NUP107: variants seen among roughly 807,000 people sequenced by gnomAD.
The protein encoded by NUP107 is nuclear pore complex protein Nup107.
NUP107 carries 101 observed loss-of-function variants against 141.0 expected under a neutral mutation model. The observed-to-expected ratio is 0.72, with a 90% CI of 0.61 to 0.84. The LOEUF is 0.84. NUP107 is among the 40% of genes least tolerant of loss of function. The pLI is 0.00. For missense variants in NUP107, 941 were observed against 1,102.7 expected, an observed-to-expected ratio of 0.85 and a Z score of 2.08; for synonymous variants, 319 against 363.9, an observed-to-expected ratio of 0.88 and a Z score of 1.41.
chr12:68,692,190 A>T (rs1875830801), intron 5 of NUP107, 78 bp downstream of exon 5: 1 of 1,345,558 alleles, frequency 7.4e-7, no homozygotes, highest in Non-Finnish European at 1.0e-6. Context: ...CCTGTTTCTG[A>T]ACGTCATTAT....
At chr12:68,736,463 C>T (rs772974162) in intron 26 of NUP107, among the ~76,000 whole-genome samples, 1 of 152,128 alleles carries the variant, frequency 6.6e-6, no homozygotes, top group Non-Finnish European at 1.5e-5. Flanking sequence ...ATCACCCAGG[C>T]TGGAGGACAG....
intron 1 of NUP107, 149 bp from the exon 2 acceptor site, chr12:68,688,813 T>A (rs1875630857): frequency 6.1e-6 from 3 of 494,380 alleles, no homozygotes; most frequent in Non-Finnish European, 1.1e-5. Flanking sequence ...GAGCCAGGAG[T>A]GCGTTCTCAA....
chr12:68,714,924 A>G (rs1877033651), intron 11 of NUP107, among the ~76,000 whole-genome samples: 2 of 152,372 alleles, frequency 1.3e-5, no homozygotes, highest in South Asian at 4.1e-4. Flanking sequence ...TTGTAGTCAC[A>G]GAACAGAAGG....
At chr12:68,693,982 A>T (rs772920713) in intron 5 of NUP107, among the ~76,000 whole-genome samples, 1 of 152,182 alleles carries the variant, frequency 6.6e-6, no homozygotes, top group Non-Finnish European at 1.5e-5. Flanking sequence ...ATGGTGGTCC[A>T]TTAAATAGTT....
chr12:68,722,650 T>C (rs1337857097), intron 17 of NUP107, among the ~76,000 whole-genome samples: 5 of 152,184 alleles, frequency 3.3e-5, no homozygotes. Flanking sequence ...CTTACGAATA[T>C]GTGTAAATAA....
chr12:68,710,803 A>G (rs1372876161), intron 10 of NUP107, among the ~76,000 whole-genome samples: 3 of 152,222 alleles, frequency 2.0e-5, no homozygotes, highest in African/African-American at 4.8e-5. Context: ...TCGAGATGAT[A>G]TAAAGTATAT....
At chr12:68,693,620 C>A (rs1875919690) in intron 5 of NUP107, among the ~76,000 whole-genome samples, 1 of 152,154 alleles carries the variant, frequency 6.6e-6, no homozygotes, top group South Asian at 2.1e-4. Flanking sequence ...CCTGTGTCTT[C>A]ATCTGGTCTT....
chr12:68,697,167 C>T (rs999161580), intron 6 of NUP107, among the ~76,000 whole-genome samples: 1 of 152,146 alleles, frequency 6.6e-6, no homozygotes, highest in African/African-American at 2.4e-5. Flanking sequence ...ATGGCTCACA[C>T]CTGTAATCCC....
In NUP107 at chr12:68,700,791, C is replaced by A; in HGVS notation, c.618C>A (p.Ala206=). The A allele has an allele frequency of 6.2e-7, 1 of 1,611,524 alleles. No individual in the cohort carries two copies. The highest frequency in any genetic ancestry group is 1.1e-5 in the South Asian group (1 of 90,506). ...TPGLQKFSKT[A]SMLWLLQQEM... is the part of the protein sequence containing the mutation. Reference sequence around the variant, plus strand: ...GACTTCAAAAATTTTCAAAAACAGCCAGTATGCTCTGGCTTCTTCAACAGG... The same window carrying A: ...GACTTCAAAAATTTTCAAAAACAGCAAGTATGCTCTGGCTTCTTCAACAGG... The change falls in exon 7 of 28, where the codon GCC becomes GCA. Residue 206 remains alanine (A), a synonymous_variant. Transcript: ENST00000229179.
intron 6 of NUP107, 98 bp from the exon 7 acceptor site, chr12:68,700,628 T>C: frequency 1.4e-6 from 1 of 737,560 alleles, no homozygotes. Flanking sequence ...TATATACTTA[T>C]TAAATACAAT....
At chr12:68,714,971 T>A (rs1341895865) in intron 11 of NUP107, among the ~76,000 whole-genome samples, 1 of 152,194 alleles carries the variant, frequency 6.6e-6, no homozygotes, top group Non-Finnish European at 1.5e-5. Flanking sequence ...TAGGTCTAAT[T>A]CTATTTAAAC....
chr12:68,712,993 T>G (rs936482359), intron 10 of NUP107, among the ~76,000 whole-genome samples: 1 of 152,134 alleles, frequency 6.6e-6, no homozygotes, highest in Non-Finnish European at 1.5e-5. Context: ...AACTTGAGAA[T>G]AGATAGATGT....
At chr12:68,690,862 C>T (rs1875750701) in intron 4 of NUP107, 116 bp downstream of exon 4, 3 of 990,052 alleles carry the variant, frequency 3.0e-6, no homozygotes, top group Admixed American at 2.7e-5. Flanking sequence ...CTTGGCCTCC[C>T]AGAAGTCAGG....
In NUP107 at chr12:68,721,869, A is replaced by T. The variant is rs758478338; in HGVS notation, c.1340A>T (p.Asp447Val). Residue 447 changes from aspartate (D) to valine (V), a missense_variant, in exon 16 of 28, where the codon GAC becomes GTC. Transcript: ENST00000229179. ...CTTCCTGTCTGTGACACCTGGGAAG[A>T]CACAGTTTGGGCCTACTTCCGGGTG... ...QLLPVCDTWE[D>V]TVWAYFRVMV... 6.2e-7 allele frequency: 1 copy of T among 1,614,016 alleles called. No individual in the cohort carries two copies. The highest frequency in any genetic ancestry group is 8.5e-7 in the Non-Finnish European group (1 of 1,179,966).
chr12:68,721,686 C>T (rs1014614203), intron 15 of NUP107, among the ~76,000 whole-genome samples, 155 bp from the exon 16 acceptor site: 2 of 152,046 alleles, frequency 1.3e-5, no homozygotes, highest in Admixed American at 6.6e-5. Flanking sequence ...ATGTAGTTGG[C>T]GGAGGAAAGG....
Position 68,732,635 on chromosome 12 carries a change from A to G in NUP107, c.1999-2A>G. The G allele has an allele frequency of 6.4e-7, 1 of 1,572,140 alleles. No individual in the cohort carries two copies. The highest frequency in any genetic ancestry group is 8.7e-7 in the Non-Finnish European group (1 of 1,152,730). On this transcript the variant is annotated splice_acceptor_variant, in intron 22 of 27. Coordinates refer to ENST00000229179, the MANE Select transcript of NUP107 (RefSeq NM_020401.4). LOFTEE classifies it high-confidence loss of function. ...TTTCTTTTTTTCCCCTTTAATAAAT[A>G]GGAGGATCGTTTAAAAATTGATGTA...
In NUP107 at chr12:68,700,819, A is replaced by T. The variant is rs1876294890; in HGVS notation, c.646A>T (p.Met216Leu). The change falls in exon 7 of 28, where the codon ATG becomes TTG. Residue 216 changes from methionine to leucine, a missense_variant. Met to Leu is a conservative substitution (Grantham distance 15). Transcript: ENST00000229179. Reference sequence around the variant, plus strand: ...TATGCTCTGGCTTCTTCAACAGGAGATGGTCACATGGAGGCTGCTGGCTTC... The same window carrying T: ...TATGCTCTGGCTTCTTCAACAGGAGTTGGTCACATGGAGGCTGCTGGCTTC... ...ASMLWLLQQE[M>L]VTWRLLASLY... The T allele has an allele frequency of 9.3e-6, 15 of 1,606,892 alleles. No individual in the cohort carries two copies. The East Asian group carries it at 3.4e-4, about 36-fold the overall frequency.
At chr12:68,700,411 G>C (rs1001218144) in intron 6 of NUP107, among the ~76,000 whole-genome samples, 5 of 152,060 alleles carry the variant, frequency 3.3e-5, no homozygotes, top group Admixed American at 6.6e-5. Context: ...TCCAGGTATA[G>C]GTTTGATTTA....
chr12:68,704,495 C>T (rs1056277208), intron 8 of NUP107, among the ~76,000 whole-genome samples: 1 of 151,686 alleles, frequency 6.6e-6, no homozygotes, highest in African/African-American at 2.4e-5. Flanking sequence ...GCTCTATTGC[C>T]CAGGCTGGAG....
Sources: gnomAD v4.1 joint callset for allele counts (sites outside exome capture counted in the v4.1 genomes callset) on GRCh38, gnomAD v4.1.1 for gene constraint, MANE v1.5 for transcripts, NCBI Gene and HGNC (gene_info 2026-07-23, HGNC 2026-07-21) for gene names.